Variants in GALNT7 observed in about 807,000 individuals in gnomAD.
The protein encoded by GALNT7 is N-acetylgalactosaminyltransferase 7.
A neutral mutation model predicts 82.1 loss-of-function variants in GALNT7; 60 were observed. The observed-to-expected ratio is 0.73, with a 90% confidence interval of 0.59 to 0.91. The LOEUF (loss-of-function observed/expected upper bound fraction) is 0.91. Among genes scored for constraint, GALNT7 ranks in the 40% least tolerant of loss-of-function variants. The pLI, the probability that GALNT7 is intolerant of heterozygous loss-of-function variation, is 0.00. For missense variants in GALNT7, 660 were observed against 804.2 expected, an observed-to-expected ratio of 0.82 and a Z score of 2.17; for synonymous variants, 243 against 275.1, an observed-to-expected ratio of 0.88 and a Z score of 1.15.
chr4:173,244,472 G>A (rs991403572), intron 1 of GALNT7, among the ~76,000 whole-genome samples: 2 of 152,182 alleles, frequency 1.3e-5, no homozygotes, highest in Non-Finnish European at 2.9e-5. Context: ...GAAGCACTAG[G>A]TCATAGTAGT....
intron 8 of GALNT7, among the ~76,000 whole-genome samples, chr4:173,313,405 C>CAA (rs140833225): frequency 6.6e-6 from 1 of 150,948 alleles, no homozygotes; most frequent in Non-Finnish European, 1.5e-5. Context: ...TCCATCTACA[C>CAA]AAAAAAATAA....
At chr4:173,188,909 C>T (rs1732536485) in intron 1 of GALNT7, among the ~76,000 whole-genome samples, 1 of 152,214 alleles carries the variant, frequency 6.6e-6, no homozygotes, top group Non-Finnish European at 1.5e-5. Flanking sequence ...CAAAAGCAGA[C>T]ACACCCTACT....
At chr4:173,190,268 C>T (rs1430991979) in intron 1 of GALNT7, among the ~76,000 whole-genome samples, 2 of 152,144 alleles carry the variant, frequency 1.3e-5, no homozygotes, top group African/African-American at 4.8e-5. Context: ...AGGAAGGAAA[C>T]AGAAGGGATT....
chr4:173,251,179 G>A (rs1437891658), intron 2 of GALNT7, among the ~76,000 whole-genome samples: 3 of 152,174 alleles, frequency 2.0e-5, no homozygotes, highest in Non-Finnish European at 2.9e-5. Context: ...ATGAATGAAC[G>A]TGTGAATGAA....
chr4:173,229,107 A>G (rs1027265110), intron 1 of GALNT7, among the ~76,000 whole-genome samples: 1 of 152,208 alleles, frequency 6.6e-6, no homozygotes, highest in Non-Finnish European at 1.5e-5. Context: ...ACGGTAGCTC[A>G]GTTTAATGGT....
chr4:173,296,077 T>C (rs538970243), intron 5 of GALNT7, among the ~76,000 whole-genome samples: 1 of 152,246 alleles, frequency 6.6e-6, no homozygotes, highest in South Asian at 2.1e-4. Context: ...AAGAATCATT[T>C]TGTGGTTGGG....
intron 2 of GALNT7, among the ~76,000 whole-genome samples, chr4:173,255,663 TA>T (rs1735011256): frequency 6.6e-6 from 1 of 152,108 alleles, no homozygotes; most frequent in African/African-American, 2.4e-5. Context: ...ACACAGAGAT[TA>T]AGGGATGTTT....
chr4:173,220,046 C>A (rs1733593954), intron 1 of GALNT7, among the ~76,000 whole-genome samples: 1 of 152,084 alleles, frequency 6.6e-6, no homozygotes, highest in South Asian at 2.1e-4. Flanking sequence ...CTTTTGGGTC[C>A]TTAGTCATGA....
intron 1 of GALNT7, among the ~76,000 whole-genome samples, chr4:173,203,839 A>AT (rs1386547714): frequency 6.6e-6 from 1 of 152,196 alleles, no homozygotes; most frequent in African/African-American, 2.4e-5. Flanking sequence ...AATAATTTAT[A>AT]TTTTAACCTT....
At chr4:173,228,792 A>G (rs556994448) in intron 1 of GALNT7, among the ~76,000 whole-genome samples, 1 of 152,312 alleles carries the variant, frequency 6.6e-6, no homozygotes, top group East Asian at 1.9e-4. Context: ...ATGTTTATGA[A>G]AAACAGATTT....
At chr4:173,224,215 T>G in intron 1 of GALNT7, among the ~76,000 whole-genome samples, 1 of 152,190 alleles carries the variant, frequency 6.6e-6, no homozygotes, top group East Asian at 1.9e-4. Context: ...TCGACTACAG[T>G]TTCTTCTAAA....
intron 1 of GALNT7, among the ~76,000 whole-genome samples, chr4:173,203,027 T>A (rs1437009972): frequency 6.6e-6 from 1 of 152,170 alleles, no homozygotes; most frequent in Non-Finnish European, 1.5e-5. Context: ...TTTTTTTTTT[T>A]TTCATTTCTT....
chr4:173,308,866 G>A (rs1366603133), intron 8 of GALNT7, among the ~76,000 whole-genome samples: 1 of 152,192 alleles, frequency 6.6e-6, no homozygotes, highest in East Asian at 1.9e-4. Flanking sequence ...TCTCGCTGCT[G>A]CACTCCAGCC....
At chr4:173,259,326 G>C (rs1166127425) in intron 2 of GALNT7, among the ~76,000 whole-genome samples, 2 of 152,140 alleles carry the variant, frequency 1.3e-5, no homozygotes, top group African/African-American at 4.8e-5. Flanking sequence ...GTTACATGCA[G>C]GTTCACAGGC....
chr4:173,226,064 A>G (rs1733817105), intron 1 of GALNT7, among the ~76,000 whole-genome samples: 2 of 151,756 alleles, frequency 1.3e-5, no homozygotes, highest in African/African-American at 4.8e-5. Flanking sequence ...TTCTGCTGGC[A>G]CTCTCTGCAG....
chr4:173,181,544 A>T (rs1238310326), intron 1 of GALNT7, among the ~76,000 whole-genome samples: 1 of 152,232 alleles, frequency 6.6e-6, no homozygotes, highest in Non-Finnish European at 1.5e-5. Context: ...AAATTAAGAT[A>T]ACTCTATTCC....
chr4:173,194,591 A>T (rs1253624408), intron 1 of GALNT7, among the ~76,000 whole-genome samples: 1 of 152,134 alleles, frequency 6.6e-6, no homozygotes, highest in African/African-American at 2.4e-5. Context: ...GTTTCATGTG[A>T]GTCTTTGATT....
At chr4:173,216,329 C>T (rs1285952848) in intron 1 of GALNT7, among the ~76,000 whole-genome samples, 2 of 152,090 alleles carry the variant, frequency 1.3e-5, no homozygotes, top group Non-Finnish European at 2.9e-5. Flanking sequence ...ATGAAATATA[C>T]AACAATCTAA....
intron 8 of GALNT7, among the ~76,000 whole-genome samples, chr4:173,311,115 G>T (rs184463094): frequency 6.6e-6 from 1 of 152,140 alleles, no homozygotes; most frequent in African/African-American, 2.4e-5. Flanking sequence ...ACCATGATTT[G>T]TCATACTGCA....
Sources: allele counts gnomAD v4.1 joint callset (sites outside exome capture counted in the v4.1 genomes callset), GRCh38; gene constraint gnomAD v4.1.1; transcripts MANE v1.5; gene names NCBI Gene and HGNC (gene_info 2026-07-23, HGNC 2026-07-21).